CAMK1D: variants seen among roughly 807,000 people sequenced by gnomAD.
CAMK1D encodes calcium/calmodulin dependent protein kinase ID.
In CAMK1D, 9 loss-of-function variants were observed where a neutral mutation model predicts 47.7. The ratio of observed to expected loss-of-function variants is 0.19; its 90% CI spans 0.11 to 0.33. The LOEUF is 0.33. Ranked by LOEUF, CAMK1D falls within the 10% of genes least tolerant of loss-of-function variation. The pLI, the probability that CAMK1D is intolerant of heterozygous loss-of-function variation, is 1.00. For synonymous variants in CAMK1D, 184 were observed against 184.9 expected (o/e 0.99, Z 0.04); for missense variants, 291 against 488.7 (o/e 0.60, Z 3.81).
chr10:12,822,023 C>T (rs185477821), intron 8 of CAMK1D, among the ~76,000 whole-genome samples: 8 of 152,200 alleles, frequency 5.3e-5, no homozygotes, highest in Non-Finnish European at 1.0e-4. Context: ...GAAATGTGTT[C>T]ACCCATAGCG....
intron 2 of CAMK1D, among the ~76,000 whole-genome samples, chr10:12,560,451 C>A (rs1209583793): frequency 1.3e-5 from 2 of 150,888 alleles, no homozygotes; most frequent in East Asian, 3.9e-4. Context: ...TACTCGGGAG[C>A]CTGAGACAGG....
At chr10:12,737,880 C>T (rs1040132224) in intron 3 of CAMK1D, among the ~76,000 whole-genome samples, 4 of 152,074 alleles carry the variant, frequency 2.6e-5, no homozygotes, top group African/African-American at 7.2e-5. Context: ...ATATGAGACT[C>T]CTATACCATA....
intron 1 of CAMK1D, among the ~76,000 whole-genome samples, chr10:12,515,702 C>T (rs1027364301): frequency 3.3e-5 from 5 of 150,502 alleles, no homozygotes; most frequent in South Asian, 2.1e-4. Context: ...CTTCACCTCC[C>T]GGGTTCACGC....
At chr10:12,414,561 T>C (rs1324387368) in intron 1 of CAMK1D, among the ~76,000 whole-genome samples, 1 of 152,206 alleles carries the variant, frequency 6.6e-6, no homozygotes, top group Non-Finnish European at 1.5e-5. Context: ...TCAAACTTTT[T>C]ACAGTTTTCT....
At chr10:12,523,233 C>T (rs1260747334) in intron 1 of CAMK1D, among the ~76,000 whole-genome samples, 7 of 149,954 alleles carry the variant, frequency 4.7e-5, no homozygotes, top group South Asian at 2.1e-4. Flanking sequence ...GATGGGCGGC[C>T]GGGAAGAGGC....
chr10:12,646,468 G>A (rs1326879062), intron 2 of CAMK1D, among the ~76,000 whole-genome samples: 2 of 152,136 alleles, frequency 1.3e-5, no homozygotes, highest in Non-Finnish European at 2.9e-5. Flanking sequence ...AGTTGATGGG[G>A]CCAGAAAGAA....
At chr10:12,731,264 G>A (rs74741520) in intron 3 of CAMK1D, among the ~76,000 whole-genome samples, 9,726 of 152,220 alleles carry the variant, frequency 0.064, 918 homozygotes, top group African/African-American at 0.2. Flanking sequence ...TCTATGAAGG[G>A]AGAGAATGTG....
chr10:12,600,411 G>T (rs12267080), intron 2 of CAMK1D, among the ~76,000 whole-genome samples: 26,191 of 152,072 alleles, frequency 0.17, 3,753 homozygotes, highest in African/African-American at 0.39. Context: ...GTCCCTACTC[G>T]GTAACCTACT....
chr10:12,761,367 G>C (rs930356151), intron 4 of CAMK1D, among the ~76,000 whole-genome samples: 2 of 152,074 alleles, frequency 1.3e-5, no homozygotes, highest in Admixed American at 1.3e-4. Flanking sequence ...ATATTGCTTC[G>C]AGCCTATCTA....
At chr10:12,628,086 A>AC (rs1839274632) in intron 2 of CAMK1D, among the ~76,000 whole-genome samples, 2 of 138,060 alleles carry the variant, frequency 1.4e-5, no homozygotes, top group African/African-American at 5.0e-5. Context: ...GTCTCAAAAA[A>AC]AAACAAAAAA....
chr10:12,483,612 C>T (rs1463866257), intron 1 of CAMK1D, among the ~76,000 whole-genome samples: 1 of 152,146 alleles, frequency 6.6e-6, no homozygotes, highest in South Asian at 2.1e-4. Flanking sequence ...GATCCTCTCG[C>T]CTGGGCCTCC....
chr10:12,812,241 A>T (rs980281745), intron 6 of CAMK1D, among the ~76,000 whole-genome samples: 1 of 152,202 alleles, frequency 6.6e-6, no homozygotes, highest in Non-Finnish European at 1.5e-5. Context: ...ATTTGTTCTC[A>T]TTAGACTGGT....
At chr10:12,726,294 C>T (rs1415639304) in intron 3 of CAMK1D, among the ~76,000 whole-genome samples, 2 of 151,820 alleles carry the variant, frequency 1.3e-5, no homozygotes, top group Admixed American at 6.6e-5. Context: ...CATAGTGGCA[C>T]GCACCTGTAG....
At chr10:12,615,655 GTT>G (rs142464026) in intron 2 of CAMK1D, among the ~76,000 whole-genome samples, 10,449 of 147,654 alleles carry the variant, frequency 0.071, 678 homozygotes, top group African/African-American at 0.15. Flanking sequence ...ACAGGTATGT[GTT>G]TATTTGAAAG....
intron 2 of CAMK1D, among the ~76,000 whole-genome samples, chr10:12,573,831 C>CTTTTTTTTTTTTTTTTTTTT (rs34038018): frequency 4.7e-5 from 3 of 64,074 alleles, no homozygotes; most frequent in African/African-American, 1.6e-4. Context: ...ATTAAAAAAA[C>CTTTTTTTTTTTTTTTTTTTT]TTTTTTTTTT....
chr10:12,471,255 A>T (rs913910167), intron 1 of CAMK1D, among the ~76,000 whole-genome samples: 2 of 152,208 alleles, frequency 1.3e-5, no homozygotes, highest in African/African-American at 4.8e-5. Context: ...GCTCTGGATC[A>T]GCCCCTGGTC....
At chr10:12,770,627 GGGTCA>G (rs749115952) in intron 5 of CAMK1D, among the ~76,000 whole-genome samples, 45 of 152,160 alleles carry the variant, frequency 3.0e-4, no homozygotes, top group South Asian at 8.3e-4. Context: ...TAAGCAAACA[GGGTCA>G]TTTCAGATCT....
intron 3 of CAMK1D, among the ~76,000 whole-genome samples, chr10:12,744,106 T>C (rs1004869355): frequency 6.6e-6 from 1 of 152,234 alleles, no homozygotes; most frequent in Non-Finnish European, 1.5e-5. Flanking sequence ...GTCTGGTTCC[T>C]TCCCTTAGCA....
rs547985532 is a variant in CAMK1D at position 12,403,998 on chromosome 10, A to T, written c.92+54088A>T. 2.6e-5 allele frequency among the ~76,000 whole-genome samples: 4 copies of T among 151,382 alleles called. No homozygotes were observed. In the South Asian group the frequency reaches 8.3e-4, roughly 31 times the overall value. ...GTTGCTTTTGGAAAAAAAAAAAAGAAAAAAGATAAAAGAGACAAAAATGGG... is the reference window on the plus strand; with the variant it reads ...GTTGCTTTTGGAAAAAAAAAAAAGATAAAAGATAAAAGAGACAAAAATGGG... On this transcript the variant is annotated intron_variant, in intron 1 of 10. Transcript: ENST00000619168.
Sources: gnomAD v4.1 joint callset for allele counts (sites outside exome capture counted in the v4.1 genomes callset) on GRCh38, gnomAD v4.1.1 for gene constraint, MANE v1.5 for transcripts, NCBI Gene and HGNC (gene_info 2026-07-23, HGNC 2026-07-21) for gene names.